The following TAFA5 variants were observed in gnomAD, a reference collection of about 807,000 sequenced individuals.
The protein encoded by TAFA5 is chemokine-like protein TAFA-5.
A neutral mutation model predicts 15.3 loss-of-function variants in TAFA5; 6 were observed. That is an observed-to-expected ratio of 0.39 (90% CI 0.21 to 0.77). TAFA5 has a LOEUF of 0.77. Among genes scored for constraint, TAFA5 ranks in the 30% least tolerant of loss-of-function variants. TAFA5 has a pLI of 0.41. For missense variants in TAFA5, 161 were observed against 193.1 expected (o/e 0.83, Z 0.98); for synonymous variants, 103 against 80.7 (o/e 1.28, Z -1.48).
chr22:48,501,923 G>A (rs1230091137), intron 1 of TAFA5, among the ~76,000 whole-genome samples: 1 of 152,218 alleles, frequency 6.6e-6, no homozygotes, highest in Non-Finnish European at 1.5e-5. Context: ...CAGAGATGGG[G>A]TGTGCGGTCA....
At chr22:48,583,554 CCA>C (rs1419745360) in intron 1 of TAFA5, among the ~76,000 whole-genome samples, 1 of 150,318 alleles carries the variant, frequency 6.7e-6, no homozygotes, top group African/African-American at 2.5e-5. Context: ...ACAAAATACA[CCA>C]CACACACCAC....
chr22:48,515,434 G>A (rs558491708), intron 1 of TAFA5, among the ~76,000 whole-genome samples: 5 of 152,220 alleles, frequency 3.3e-5, no homozygotes. Flanking sequence ...CCTTCTCCTG[G>A]GTCACCTTCA....
At chr22:48,492,826 G>T (rs1463107674) in intron 1 of TAFA5, among the ~76,000 whole-genome samples, 2 of 152,182 alleles carry the variant, frequency 1.3e-5, no homozygotes, top group East Asian at 3.9e-4. Context: ...AGCTTTGATG[G>T]GGAAGTTGAA....
chr22:48,659,277 TGGTC>T (rs1718559967), intron 2 of TAFA5, among the ~76,000 whole-genome samples: 1 of 152,196 alleles, frequency 6.6e-6, no homozygotes. Flanking sequence ...TCAGCCACCA[TGGTC>T]TGGCCATGGA....
At chr22:48,744,371 GA>G (rs951409639) in intron 3 of TAFA5, among the ~76,000 whole-genome samples, 17 of 152,354 alleles carry the variant, frequency 1.1e-4, no homozygotes, top group Admixed American at 9.1e-4. Flanking sequence ...TTCACCTCCT[GA>G]AAAGGAGATG....
At chr22:48,568,700 G>A (rs1386426050) in intron 1 of TAFA5, among the ~76,000 whole-genome samples, 6 of 152,196 alleles carry the variant, frequency 3.9e-5, no homozygotes, top group South Asian at 4.1e-4. Flanking sequence ...ACTGGCCAGC[G>A]GTCTGGTCAC....
At chr22:48,561,969 C>T (rs1365551524) in intron 1 of TAFA5, among the ~76,000 whole-genome samples, 3 of 152,120 alleles carry the variant, frequency 2.0e-5, no homozygotes, top group Non-Finnish European at 4.4e-5. Context: ...CGGCCTCAGG[C>T]TCCCTGAGTG....
Position 48,489,690 on chromosome 22 carries a change from T to C in TAFA5, c.98T>C (p.Leu33Pro). The change falls in exon 1 of 4, where the codon CTC becomes CCC. Residue 33 changes from leucine to proline, a missense_variant. Leu to Pro is a moderately conservative substitution (Grantham distance 98). Coordinates refer to ENST00000402357, the MANE Select transcript of TAFA5 (RefSeq NM_001082967.3). The surrounding 1 kb of genome is among the most constrained non-coding windows in gnomAD (Gnocchi z 5.5). ...FWAFMILASL[L>P]IAYCSQLAAG... is the part of the protein sequence containing the mutation. The stretch of plus-strand genomic sequence containing the variant: ...GCGTTCATGATCCTGGCCAGCCTGC[T>C]CATCGCCTACTGCAGTGAGTACCGC... The C allele has an allele frequency of 6.6e-7, 1 of 1,514,612 alleles. No individual in the cohort carries two copies. The highest frequency in any genetic ancestry group is 8.9e-7 in the Non-Finnish European group (1 of 1,129,784). 93.8% of individuals were successfully genotyped at this position (1,514,612 alleles called of 1,614,324 possible).
intron 1 of TAFA5, among the ~76,000 whole-genome samples, chr22:48,616,142 C>G (rs981509435): frequency 2.0e-5 from 3 of 151,996 alleles, no homozygotes; most frequent in African/African-American, 7.2e-5. Context: ...CAGAGCTCAC[C>G]AGCCCCGGGG....
At chr22:48,716,660 A>G (rs906148266) in intron 3 of TAFA5, among the ~76,000 whole-genome samples, 1 of 152,242 alleles carries the variant, frequency 6.6e-6, no homozygotes, top group African/African-American at 2.4e-5. Context: ...CGTTCTGCAC[A>G]TGTATCCCAG....
At chr22:48,644,836 G>A (rs759232620) in intron 1 of TAFA5, among the ~76,000 whole-genome samples, 1 of 152,180 alleles carries the variant, frequency 6.6e-6, no homozygotes, top group Non-Finnish European at 1.5e-5. Flanking sequence ...GCCACCCTTC[G>A]TCCCTCACGC....
At chr22:48,535,146 T>C (rs2147115147) in intron 1 of TAFA5, among the ~76,000 whole-genome samples, 1 of 152,280 alleles carries the variant, frequency 6.6e-6, no homozygotes. Flanking sequence ...AACGTTCTGC[T>C]GTGCACAGGG....
At chr22:48,690,177 C>T (rs1018318057) in intron 2 of TAFA5, among the ~76,000 whole-genome samples, 1 of 152,136 alleles carries the variant, frequency 6.6e-6, no homozygotes, top group Non-Finnish European at 1.5e-5. Context: ...GCCTGCCAGG[C>T]AAGGGGACGG....
chr22:48,555,028 A>G (rs1922984645), intron 1 of TAFA5, among the ~76,000 whole-genome samples: 1 of 152,208 alleles, frequency 6.6e-6, no homozygotes, highest in African/African-American at 2.4e-5. Context: ...TGGAGACAAG[A>G]GAAGGCTGTT....
intron 1 of TAFA5, among the ~76,000 whole-genome samples, chr22:48,597,645 A>C (rs1264701203): frequency 6.6e-6 from 1 of 152,244 alleles, no homozygotes; most frequent in Non-Finnish European, 1.5e-5. Flanking sequence ...TTGTGAGGGG[A>C]ACCCCACCAC....
rs1201373134 is a variant in TAFA5, at chr22:48,641,888, T to C, written c.113-4709T>C. 3.3e-5 allele frequency among the ~76,000 whole-genome samples: 5 copies of C among 152,194 alleles called. No individual in the cohort carries two copies. In the East Asian group the frequency reaches 9.7e-4, roughly 30 times the overall value. On this transcript the variant is annotated intron_variant, in intron 1 of 3. Transcript: ENST00000402357. ...TTTTGAATGTTTTTCCTTCTGGTCT[T>C]AAAAGCAATGCAAACTCCTTATTTA...
At chr22:48,524,768 G>A (rs1245550321) in intron 1 of TAFA5, among the ~76,000 whole-genome samples, 1 of 152,168 alleles carries the variant, frequency 6.6e-6, no homozygotes, top group Non-Finnish European at 1.5e-5. Flanking sequence ...GGCCAGACGA[G>A]GGGTTTACTC....
At chr22:48,567,128 G>T (rs142077267) in intron 1 of TAFA5, among the ~76,000 whole-genome samples, 3 of 152,192 alleles carry the variant, frequency 2.0e-5, no homozygotes, top group African/African-American at 7.2e-5. Context: ...TCTTGAATTC[G>T]CTTTCATTTT....
chr22:48,699,855 G>A (rs1439313628), intron 2 of TAFA5, among the ~76,000 whole-genome samples: 1 of 152,090 alleles, frequency 6.6e-6, no homozygotes, highest in Non-Finnish European at 1.5e-5. Context: ...GGAGAGGGAA[G>A]GCGGGAAGCA....
Sources: allele counts gnomAD v4.1 joint callset (sites outside exome capture counted in the v4.1 genomes callset), GRCh38; gene constraint gnomAD v4.1.1; non-coding constraint Gnocchi (gnomAD v3.1); transcripts MANE v1.5; gene names NCBI Gene and HGNC (gene_info 2026-07-23, HGNC 2026-07-21).